The following USP28 variants were observed in gnomAD, a reference collection of about 807,000 sequenced individuals.
USP28 encodes ubiquitin carboxyl-terminal hydrolase 28.
USP28 carries 113 observed loss-of-function variants against 145.0 expected under a neutral mutation model. That is an observed-to-expected ratio of 0.78 (90% CI 0.67 to 0.91). The LOEUF (loss-of-function observed/expected upper bound fraction) is 0.91, where lower values mean the gene tolerates loss of function less well. Ranked by LOEUF, USP28 falls within the 40% of genes least tolerant of loss-of-function variation. USP28 has a pLI of 0.00. For synonymous variants in USP28, 447 were observed against 450.9 expected (o/e 0.99, Z 0.11); for missense variants, 1,201 against 1,289.6 (o/e 0.93, Z 1.05).
intron 4 of USP28, among the ~76,000 whole-genome samples, 171 bp downstream of exon 4, chr11:113,841,492 C>T (rs1277914613): frequency 6.6e-6 from 1 of 152,214 alleles, no homozygotes; most frequent in African/African-American, 2.4e-5. Context: ...CTTTCAGTTT[C>T]GCTTTTTCAA....
At chr11:113,798,206 G>A (rs1938294561) in exon 25 of USP28, 1 of 151,760 alleles carries the variant, frequency 6.6e-6, no homozygotes, top group Non-Finnish European at 1.5e-5. Flanking sequence ...CTTGAGGCCA[G>A]GAGTTAGAGA....
At chr11:113,817,635 T>TAA (rs146489349) in intron 13 of USP28, 23 bp downstream of exon 13, 509 of 1,367,148 alleles carry the variant, frequency 3.7e-4, no homozygotes, top group South Asian at 5.7e-4. Context: ...TACATACCAT[T>TAA]AAAAAAAAAA....
intron 1 of USP28, among the ~76,000 whole-genome samples, chr11:113,861,175 C>T (rs1947657181): frequency 6.6e-6 from 1 of 150,628 alleles, no homozygotes; most frequent in Non-Finnish European, 1.5e-5. Context: ...GGTTGCTAAC[C>T]TTTCCAACCT....
At chr11:113,863,093 A>C (rs1947873672) in intron 1 of USP28, among the ~76,000 whole-genome samples, 1 of 152,194 alleles carries the variant, frequency 6.6e-6, no homozygotes, top group Non-Finnish European at 1.5e-5. Context: ...AGTATAAAAA[A>C]GTAAAACAGT....
At chr11:113,873,776 T>A (rs1450564617) in intron 1 of USP28, among the ~76,000 whole-genome samples, 2 of 150,156 alleles carry the variant, frequency 1.3e-5, no homozygotes, top group African/African-American at 2.5e-5. Context: ...AATATTTCCA[T>A]TAGAAGTCAG....
chr11:113,869,354 G>A (rs767862590), intron 1 of USP28, among the ~76,000 whole-genome samples: 2 of 152,150 alleles, frequency 1.3e-5, no homozygotes, highest in Non-Finnish European at 2.9e-5. Flanking sequence ...AATAGAACCC[G>A]GAAGGCGGGG....
chr11:113,813,669 T>C, intron 15 of USP28: 1 of 511,886 alleles, frequency 2.0e-6, no homozygotes, highest in South Asian at 2.6e-5. Context: ...TGTGGCAGAA[T>C]TCAAACAAGT....
chr11:113,834,186 C>T, intron 6 of USP28, 63 bp downstream of exon 6: 1 of 1,306,780 alleles, frequency 7.7e-7, no homozygotes, highest in East Asian at 2.4e-5. Context: ...AGGCAAAAAT[C>T]TAGAAGCCTT....
intron 1 of USP28, among the ~76,000 whole-genome samples, chr11:113,856,976 A>C (rs936332463): frequency 3.9e-5 from 6 of 152,218 alleles, no homozygotes; most frequent in African/African-American, 1.4e-4. Context: ...TTAGTAGTGC[A>C]ATCTGTTCTA....
chr11:113,833,576 A>G lies in USP28; in HGVS notation c.622-19T>C. 1 of 1,596,534 alleles carries G rather than the reference A, an allele frequency of 6.3e-7. No homozygotes were observed. Among genetic ancestry groups the G allele is most frequent in the Non-Finnish European group, 8.5e-7 (1 of 1,173,728 alleles). On this transcript the variant is annotated intron_variant, in intron 6 of 24. Transcript: ENST00000003302. ...TCTTTTCCTGTAGAAAACACAGTAC[A>G]TGTACTCTTACAATATCTCATTTAG...
chr11:113,810,034 CAAAAAAA>C (rs368686301), intron 16 of USP28, among the ~76,000 whole-genome samples: 13 of 68,984 alleles, frequency 1.9e-4, no homozygotes, highest in African/African-American at 4.0e-4. Context: ...GACTCCATCT[CAAAAAAA>C]AAAAAAAAAA....
At chr11:113,867,042 G>A (rs1388965860) in intron 1 of USP28, among the ~76,000 whole-genome samples, 1 of 151,978 alleles carries the variant, frequency 6.6e-6, no homozygotes, top group African/African-American at 2.4e-5. Context: ...ACACATAATA[G>A]GTCACATATT....
intron 24 of USP28, among the ~76,000 whole-genome samples, chr11:113,801,204 G>A (rs1316159698): frequency 2.0e-5 from 3 of 152,166 alleles, no homozygotes; most frequent in Non-Finnish European, 4.4e-5. Context: ...AGTAATGGAA[G>A]TCTGACATTC....
intron 11 of USP28, among the ~76,000 whole-genome samples, chr11:113,825,749 TAAATA>T (rs573462642): frequency 1.3e-5 from 2 of 152,196 alleles, no homozygotes; most frequent in Non-Finnish European, 2.9e-5. Context: ...GGGTACCTAC[TAAATA>T]TTAATGTTAC....
rs569883199 is a variant in USP28 at position 113,803,975 on chromosome 11, A to C, written c.2659-98T>G. On this transcript the variant is annotated intron_variant, in intron 21 of 24. Transcript: ENST00000003302. ...AATTCATTACAAATATTTACTGAGC[A>C]CATCTGGCTAGCCACAAAAATAACA... The C allele has an allele frequency of 1.1e-4, 106 of 1,008,066 alleles. No homozygotes were observed. In the African/African-American group the frequency reaches 1.7e-3, roughly 16 times the overall value. The allele number at this position is 1,008,066 out of a possible 1,614,324, so 62.4% of individuals were successfully genotyped here.
chr11:113,855,809 G>A (rs954932160), intron 1 of USP28, among the ~76,000 whole-genome samples: 47 of 152,214 alleles, frequency 3.1e-4, no homozygotes, highest in African/African-American at 1.1e-3. Context: ...TACTCAGGAG[G>A]CTGAGGCAGG....
intron 1 of USP28, among the ~76,000 whole-genome samples, chr11:113,872,705 C>T (rs2137247837): frequency 6.6e-6 from 1 of 152,308 alleles, no homozygotes; most frequent in East Asian, 1.9e-4. Context: ...GATGTGAACC[C>T]TCAGTACAGC....
chr11:113,832,096 G>A lies in USP28; in HGVS notation c.760-103C>T, dbSNP rs1944061619. ...GAATTAAGATTATACTACTATAAAA[G>A]CATTTCTTTTTTTCTTTTCTTTTTT... On this transcript the variant is annotated intron_variant, in intron 7 of 24. Transcript: ENST00000003302. The A allele has an allele frequency of 4.1e-6, 4 of 980,300 alleles. No homozygotes were observed. The African/African-American group carries it at 5.1e-5, about 12-fold the overall frequency. 60.7% of individuals were successfully genotyped at this position (980,300 alleles called of 1,614,324 possible).
At chr11:113,851,156 C>G (rs1199157040) in intron 3 of USP28, among the ~76,000 whole-genome samples, 2 of 152,172 alleles carry the variant, frequency 1.3e-5, no homozygotes, top group Non-Finnish European at 2.9e-5. Flanking sequence ...TCCACCACAG[C>G]AGCCTGGCCT....
Sources: allele counts gnomAD v4.1 joint callset (sites outside exome capture counted in the v4.1 genomes callset), GRCh38; gene constraint gnomAD v4.1.1; transcripts MANE v1.5; gene names NCBI Gene and HGNC (gene_info 2026-07-23, HGNC 2026-07-21).